TLCD4: variants seen among roughly 807,000 people sequenced by gnomAD.
The protein encoded by TLCD4 is TLC domain containing 4.
TLCD4 carries 7 observed loss-of-function variants against 24.2 expected under a neutral mutation model. That is an observed-to-expected ratio of 0.29 (90% CI 0.16 to 0.54). The LOEUF (loss-of-function observed/expected upper bound fraction) is 0.54, where lower values mean the gene tolerates loss of function less well. TLCD4 is among the 20% of genes least tolerant of loss of function. TLCD4 has a pLI of 0.95. For synonymous variants in TLCD4, 103 were observed against 106.4 expected, an observed-to-expected ratio of 0.97 and a Z score of 0.20; for missense variants, 259 against 313.9, an observed-to-expected ratio of 0.82 and a Z score of 1.32.
At chr1:95,126,128 T>A (rs2391627) in intron 1 of TLCD4, among the ~76,000 whole-genome samples, 1 of 143,742 alleles carries the variant, frequency 7.0e-6, no homozygotes, top group Non-Finnish European at 1.5e-5. Context: ...GCCATCACTA[T>A]TAAAAAAAAA....
At chr1:95,171,325 G>C (rs1335555782) in intron 5 of TLCD4, among the ~76,000 whole-genome samples, 1 of 152,032 alleles carries the variant, frequency 6.6e-6, no homozygotes, top group Non-Finnish European at 1.5e-5. Context: ...TTTTACCACT[G>C]AAAATCCTGC....
At chr1:95,176,917 T>C (rs1483352421) in intron 6 of TLCD4, among the ~76,000 whole-genome samples, 2 of 151,838 alleles carry the variant, frequency 1.3e-5, no homozygotes, top group Non-Finnish European at 2.9e-5. Flanking sequence ...TTGTGTAGTC[T>C]TGGTACCCTT....
chr1:95,124,007 G>A (rs973252536), intron 1 of TLCD4, among the ~76,000 whole-genome samples: 14 of 152,142 alleles, frequency 9.2e-5, no homozygotes, highest in African/African-American at 2.4e-4. Flanking sequence ...AAAGCGCAGC[G>A]TTAGATGTTA....
chr1:95,114,244 T>C (rs1353325724), upstream of TLCD4, among the ~76,000 whole-genome samples: 1 of 152,090 alleles, frequency 6.6e-6, no homozygotes, highest in Non-Finnish European at 1.5e-5. Context: ...TTTAAACACT[T>C]ATAAAACTAC....
intron 3 of TLCD4, among the ~76,000 whole-genome samples, chr1:95,149,398 T>G (rs1467397463): frequency 6.6e-6 from 1 of 152,158 alleles, no homozygotes; most frequent in Non-Finnish European, 1.5e-5. Context: ...TTCAGCTTAG[T>G]TTGAGAGAGC....
At chr1:95,159,401 G>T (rs1002938552) in intron 5 of TLCD4, among the ~76,000 whole-genome samples, 11 of 152,142 alleles carry the variant, frequency 7.2e-5, no homozygotes, top group African/African-American at 2.7e-4. Context: ...GTAGATTCTG[G>T]ATATTAGCCC....
the TLCD4 span, among the ~76,000 whole-genome samples, chr1:95,109,206 A>G: frequency 1.8e-4 from 28 of 152,088 alleles, no homozygotes; most frequent in Admixed American, 1.5e-3. Flanking sequence ...GTGTGCCTAC[A>G]GTCCCAGCTA....
chr1:95,161,138 T>C (rs1203234330), intron 5 of TLCD4, among the ~76,000 whole-genome samples: 2 of 152,188 alleles, frequency 1.3e-5, no homozygotes, highest in Non-Finnish European at 2.9e-5. Context: ...GCTCCTGGAC[T>C]TTTTTTGATT....
chr1:95,170,679 G>A (rs1678179911), intron 5 of TLCD4, among the ~76,000 whole-genome samples: 1 of 151,982 alleles, frequency 6.6e-6, no homozygotes, highest in Admixed American at 6.6e-5. Flanking sequence ...GCTCAAGTAG[G>A]AATCTCATTA....
At chr1:95,156,636 C>G (rs905174659) in intron 5 of TLCD4, among the ~76,000 whole-genome samples, 7 of 151,944 alleles carry the variant, frequency 4.6e-5, no homozygotes, top group African/African-American at 1.5e-4. Flanking sequence ...TACAAAGAAG[C>G]TAATTTTGAT....
At chr1:95,133,433 A>G (rs1676955650) in intron 1 of TLCD4, among the ~76,000 whole-genome samples, 1 of 152,150 alleles carries the variant, frequency 6.6e-6, no homozygotes, top group Non-Finnish European at 1.5e-5. Context: ...GGAGAGAGTA[A>G]AGGATAATGT....
intron 6 of TLCD4, among the ~76,000 whole-genome samples, chr1:95,183,457 G>A (rs1038584201): frequency 2.6e-5 from 4 of 152,278 alleles, no homozygotes; most frequent in African/African-American, 7.2e-5. Flanking sequence ...GTGAGAGCTC[G>A]AGAGAGGAAT....
intron 5 of TLCD4, among the ~76,000 whole-genome samples, chr1:95,171,253 A>G (rs1678210909): frequency 6.6e-6 from 1 of 152,070 alleles, no homozygotes; most frequent in South Asian, 2.1e-4. Flanking sequence ...TGCCCAGCCT[A>G]AATGCATTTA....
At chr1:95,133,395 A>G (rs565284479) in intron 1 of TLCD4, among the ~76,000 whole-genome samples, 4 of 151,790 alleles carry the variant, frequency 2.6e-5, no homozygotes, top group East Asian at 3.9e-4. Flanking sequence ...TAAAAAAAAA[A>G]GAGCCAATAG....
At chr1:95,123,284 C>T (rs1676619406) in intron 1 of TLCD4, among the ~76,000 whole-genome samples, 2 of 152,082 alleles carry the variant, frequency 1.3e-5, no homozygotes, top group South Asian at 4.1e-4. Context: ...ATTTTTTAAA[C>T]CTGTGTGAGT....
In TLCD4 at chr1:95,195,185, G is replaced by A. The variant is rs1001827163; in HGVS notation, c.*3317G>A. The A allele has an allele frequency of 6.6e-6, 1 of 152,092 alleles. No individual in the cohort carries two copies. The highest frequency in any genetic ancestry group is 6.6e-5 in the Admixed American group (1 of 15,266). The allele number at this position is 152,092 out of a possible 1,614,324, so 9.4% of individuals were successfully genotyped here. A position where few individuals can be genotyped will look rare whatever the true frequency, so the allele number is the denominator to read the frequency against. The stretch of plus-strand genomic sequence containing the variant: ...AACTTTTAAATTGTATATTTCCTCT[G>A]AGGCACACTGGGCATTTGGAGAATG... On this transcript the variant is annotated 3_prime_UTR_variant, in exon 7 of 7. Transcript: ENST00000370203.
At chr1:95,191,428 G>C (rs534393614) in intron 6 of TLCD4, 122 bp from the exon 7 acceptor site, 9 of 1,231,742 alleles carry the variant, frequency 7.3e-6, no homozygotes, top group Non-Finnish European at 2.2e-6. Context: ...TCAGCATTGC[G>C]TATGCTATTC....
chr1:95,148,515 TA>T (rs1677408715), intron 2 of TLCD4, among the ~76,000 whole-genome samples, 186 bp from the exon 3 acceptor site: 1 of 152,216 alleles, frequency 6.6e-6, no homozygotes, highest in Non-Finnish European at 1.5e-5. Flanking sequence ...TATTCCAAAG[TA>T]AAGCTGTGGC....
chr1:95,093,420 A>G, the TLCD4 span, among the ~76,000 whole-genome samples: 512 of 152,346 alleles, frequency 3.4e-3, 2 homozygotes, highest in African/African-American at 0.012. Context: ...GGGATTGAGT[A>G]TCTTTCTTTT....
Sources: gnomAD v4.1 joint callset for allele counts (sites outside exome capture counted in the v4.1 genomes callset) on GRCh38, gnomAD v4.1.1 for gene constraint, MANE v1.5 for transcripts, NCBI Gene and HGNC (gene_info 2026-07-23, HGNC 2026-07-21) for gene names.